IL24: variants seen among roughly 807,000 people sequenced by gnomAD.
IL24 encodes the protein interleukin-24.
A neutral mutation model predicts 27.6 loss-of-function variants in IL24; 24 were observed. That is an observed-to-expected ratio of 0.87 (90% CI 0.63 to 1.22). IL24 has a LOEUF of 1.22. Among genes scored for constraint, IL24 ranks in the 50% most tolerant of loss-of-function variants. IL24 has a pLI of 0.00. For missense variants in IL24, 240 were observed against 237.0 expected (o/e 1.01, Z -0.08); for synonymous variants, 99 against 93.1 (o/e 1.06, Z -0.36).
rs1378053935 is a variant in IL24, at chr1:206,901,667, C to T, written c.462+15C>T. 1.2e-6 allele frequency: 2 copies of T among 1,604,912 alleles called. No individual in the cohort carries two copies. The highest frequency in any genetic ancestry group is 1.3e-5 in the African/African-American group (1 of 74,732). ...TGCAACCCAGTGTGAGTAGCACACGCTCTGGATACTGGCAGCTCTGGGTTC... is the reference window on the plus strand; with the variant it reads ...TGCAACCCAGTGTGAGTAGCACACGTTCTGGATACTGGCAGCTCTGGGTTC... On this transcript the variant is annotated intron_variant, in intron 5 of 6. Coordinates refer to ENST00000294984, the MANE Select transcript of IL24 (RefSeq NM_006850.3).
Position 206,903,907 on chromosome 1 carries a change from T to A in IL24, c.*848T>A, listed in dbSNP as rs913514955. 1.3e-5 allele frequency: 2 copies of A among 152,378 alleles called. No individual in the cohort carries two copies. Among genetic ancestry groups the A allele is most frequent in the African/African-American group, 4.8e-5 (2 of 41,464 alleles). The allele number at this position is 152,378 out of a possible 1,614,324, so 9.4% of individuals were successfully genotyped here. On this transcript the variant is annotated 3_prime_UTR_variant, in exon 7 of 7. Transcript: ENST00000294984. Reference sequence around the variant, plus strand: ...TCTCTATTTCTGGATGAATGCCCAGTGAGACTGTGTTGTACAGCTAGAAAA... The same window carrying A: ...TCTCTATTTCTGGATGAATGCCCAGAGAGACTGTGTTGTACAGCTAGAAAA...
chr1:206,900,074 C>A (rs1471899995), intron 3 of IL24, among the ~76,000 whole-genome samples: 1 of 152,202 alleles, frequency 6.6e-6, no homozygotes, highest in Non-Finnish European at 1.5e-5. Flanking sequence ...CCATTTGCTC[C>A]TGGGGGGCCA....
chr1:206,898,016 G>A (rs1678225881), intron 2 of IL24, 140 bp downstream of exon 2: 1 of 524,254 alleles, frequency 1.9e-6, no homozygotes, highest in Middle Eastern at 5.3e-4. Context: ...AATTAGTTGG[G>A]CATGTGTTTT....
chr1:206,901,721 GT>G, intron 5 of IL24, 69 bp downstream of exon 5: 1 of 1,373,830 alleles, frequency 7.3e-7, no homozygotes, highest in Non-Finnish European at 1.0e-6. Context: ...AATCTGCTGG[GT>G]GACCCTCTGC....
At chr1:206,898,008 T>C (rs566773419) in intron 2 of IL24, 132 bp downstream of exon 2, 22 of 520,538 alleles carry the variant, frequency 4.2e-5, no homozygotes, top group Middle Eastern at 5.3e-4. Flanking sequence ...CAAAAAAAAA[T>C]TAGTTGGGCA....
At chr1:206,902,327 C>T (rs1678423316) in intron 6 of IL24, 2 of 985,362 alleles carry the variant, frequency 2.0e-6, no homozygotes, top group African/African-American at 1.7e-5. Flanking sequence ...AAGGAACTTT[C>T]CCTGTGTTTT....
Position 206,897,455 on chromosome 1 carries a change from A to T in IL24, c.-263A>T, listed in dbSNP as rs1471621334. On this transcript the variant is annotated 5_prime_UTR_variant, in exon 1 of 7. Transcript: ENST00000294984. ...TCCACAAAGCCTTGCTTGCCTGCAA[A>T]CCTTTACTTCTGAAATGACTTCCAC... 6.2e-6 allele frequency: 1 copy of T among 160,094 alleles called. No homozygotes were observed. The allele number at this position is 160,094 out of a possible 1,614,324, so 9.9% of individuals were successfully genotyped here.
chr1:206,901,551 T>C lies in IL24; in HGVS notation c.361T>C (p.Phe121Leu). ...GCTGGAGTTCTACTTGAAAACTGTT[T>C]TCAAAAACTACCACAATAGAACAGT... is the stretch of plus-strand genomic sequence containing the variant. ...TLLEFYLKTV[F>L]KNYHNRTVEV... The change falls in exon 5 of 7, where the codon TTC becomes CTC. Residue 121 changes from phenylalanine (F) to leucine (L), a missense_variant. Coordinates refer to ENST00000294984, the MANE Select transcript of IL24 (RefSeq NM_006850.3). The C allele has an allele frequency of 1.2e-6, 2 of 1,614,106 alleles. No homozygotes were observed. The highest frequency in any genetic ancestry group is 1.7e-6 in the Non-Finnish European group (2 of 1,179,982).
Position 206,897,721 on chromosome 1 carries a change from G to T in IL24, c.-102-10G>T. ...ACAGCAGAAGTCAATTTTTTTGAGT[G>T]TTGATGTAGGGACAAGACATGACTG... is the stretch of plus-strand genomic sequence containing the variant. On this transcript the variant is annotated splice_polypyrimidine_tract_variant and intron_variant, in intron 1 of 6. Transcript: ENST00000294984. 2 of 1,099,672 alleles carry T rather than the reference G, an allele frequency of 1.8e-6. No individual in the cohort carries two copies. The highest frequency in any genetic ancestry group is 2.0e-5 in the Admixed American group (1 of 50,588). The allele number at this position is 1,099,672 out of a possible 1,614,324, so 68.1% of individuals were successfully genotyped here.
chr1:206,902,205 A>T (rs1183038560), intron 6 of IL24, 133 bp downstream of exon 6: 23 of 1,423,184 alleles, frequency 1.6e-5, no homozygotes, highest in Non-Finnish European at 2.1e-5. Flanking sequence ...AAGCCCCCTG[A>T]CTTAGCAGGA....
intron 5 of IL24, 59 bp downstream of exon 5, chr1:206,901,711 A>G (rs908020770): frequency 1.4e-6 from 2 of 1,462,656 alleles, no homozygotes; most frequent in Non-Finnish European, 1.9e-6. Flanking sequence ...GTCTGCTTCC[A>G]ATCTGCTGGG....
At chr1:206,902,650 G>A in intron 6 of IL24, 1 of 985,258 alleles carries the variant, frequency 1.0e-6, no homozygotes, top group Non-Finnish European at 1.2e-6. Flanking sequence ...GGCCACCTGG[G>A]CTCATTTCAC....
intron 6 of IL24, 156 bp downstream of exon 6, chr1:206,902,228 T>A: frequency 1.0e-6 from 1 of 985,438 alleles, no homozygotes; most frequent in Non-Finnish European, 1.2e-6. Context: ...ACAGTTATAT[T>A]TGCAGAAGCA....
rs900722871 is a variant in IL24 at position 206,903,201 on chromosome 1, G to A, written c.*142G>A. 11 of 711,386 alleles carry A rather than the reference G, an allele frequency of 1.5e-5. No homozygotes were observed. The African/African-American group carries it at 1.9e-4, about 13-fold the overall frequency. 44.1% of individuals were successfully genotyped at this position (711,386 alleles called of 1,614,324 possible). ...TTCTTGGCCCAGGATTATTGTCAAA[G>A]AAGTCATTCTTTAAGCAGCGCCAGT... On this transcript the variant is annotated 3_prime_UTR_variant, in exon 7 of 7. Transcript: ENST00000294984.
At position 206,903,367 on chromosome 1, in the gene IL24, G is replaced by A; in HGVS notation, c.*308G>A. 3.4e-6 allele frequency: 1 copy of A among 290,672 alleles called. No individual in the cohort carries two copies. Among genetic ancestry groups the A allele is most frequent in the African/African-American group, 2.2e-5 (1 of 46,358 alleles). 18.0% of individuals were successfully genotyped at this position (290,672 alleles called of 1,614,324 possible). On this transcript the variant is annotated 3_prime_UTR_variant, in exon 7 of 7. Coordinates refer to ENST00000294984, the MANE Select transcript of IL24 (RefSeq NM_006850.3). Reference sequence around the variant, plus strand: ...TGAGACTGTAAGTTACATGAAGGCAGCAGAATATTGTGCCCCATGCTTCTT... The same window carrying A: ...TGAGACTGTAAGTTACATGAAGGCAACAGAATATTGTGCCCCATGCTTCTT...
chr1:206,900,207 A>T, intron 3 of IL24, 88 bp from the exon 4 acceptor site: 1 of 1,171,806 alleles, frequency 8.5e-7, no homozygotes, highest in Non-Finnish European at 1.3e-6. Context: ...AGATAGATTT[A>T]GGGGTCTAGG....
intron 4 of IL24, 36 bp from the exon 5 acceptor site, chr1:206,901,458 A>G (rs760647823): frequency 6.3e-7 from 1 of 1,583,818 alleles, no homozygotes; most frequent in Non-Finnish European, 8.6e-7. Context: ...GGGTGGGCAG[A>G]GGCCTTGGCT....
rs758037137 is a variant in IL24 at position 206,901,639 on chromosome 1, A to G, written c.449A>G (p.Gln150Arg). ...AACAACTTTGTTCTCATCGTGTCAC[A>G]ACTGCAACCCAGTGTGAGTAGCACA... ...LANNFVLIVSQLQPSQENEMF... is the reference protein window; with the variant it reads ...LANNFVLIVSRLQPSQENEMF... Residue 150 changes from glutamine to arginine, a missense_variant, in exon 5 of 7, where the codon CAA (glutamine) becomes CGA (arginine). Transcript: ENST00000294984. The G allele has an allele frequency of 1.9e-6, 3 of 1,613,816 alleles. No individual in the cohort carries two copies. The highest frequency in any genetic ancestry group is 2.5e-6 in the Non-Finnish European group (3 of 1,179,876).
At position 206,900,409 on chromosome 1, in the gene IL24, G is replaced by A. The variant is rs1257569946; in HGVS notation, c.303+52G>A. 3.3e-6 allele frequency: 5 copies of A among 1,513,798 alleles called. No individual in the cohort carries two copies. The African/African-American group carries it at 6.9e-5, about 21-fold the overall frequency. The allele number at this position is 1,513,798 out of a possible 1,614,324, so 93.8% of individuals were successfully genotyped here. A position where few individuals can be genotyped will look rare whatever the true frequency, so the allele number is the denominator to read the frequency against. ...TCTGTGGGACGGGTCTACTGTGGGT[G>A]GGAGTGCAAGGCTTTCTTAGGGGAG... On this transcript the variant is annotated intron_variant, in intron 4 of 6. Transcript: ENST00000294984.
Sources: allele counts gnomAD v4.1 joint callset (sites outside exome capture counted in the v4.1 genomes callset), GRCh38; gene constraint gnomAD v4.1.1; transcripts MANE v1.5; gene names NCBI Gene and HGNC (gene_info 2026-07-23, HGNC 2026-07-21).